Variants in PNKD observed in about 807,000 individuals in gnomAD.
PNKD encodes PNKD metallo-beta-lactamase domain containing.
Under a neutral mutation model 45.3 loss-of-function variants are expected in PNKD, and 36 were observed. The observed-to-expected ratio is 0.80, with a 90% CI of 0.61 to 1.05. The LOEUF (loss-of-function observed/expected upper bound fraction) is 1.05, where lower values mean the gene tolerates loss of function less well. Among genes scored for constraint, PNKD ranks in the 50% least tolerant of loss-of-function variants. The pLI is 0.00. For missense variants in PNKD, 511 were observed against 506.6 expected (o/e 1.01, Z -0.08); for synonymous variants, 197 against 210.1 (o/e 0.94, Z 0.54).
Position 218,280,093 on chromosome 2 carries a change from G to T in PNKD, c.236+8544G>T, listed in dbSNP as rs768283851. ...TCCAGGCCCGAAGCTATCACTCACTGCTCTCTCCTCCCCATCATAGCCATG... is the reference window on the plus strand; with the variant it reads ...TCCAGGCCCGAAGCTATCACTCACTTCTCTCTCCTCCCCATCATAGCCATG... On this transcript the variant is annotated intron_variant, in intron 2 of 9. Coordinates refer to ENST00000273077, the MANE Select transcript of PNKD (RefSeq NM_015488.5). 3.7e-6 allele frequency: 6 copies of T among 1,613,806 alleles called. No individual in the cohort carries two copies. The African/African-American group carries it at 8.0e-5, about 22-fold the overall frequency.
intron 2 of PNKD, among the ~76,000 whole-genome samples, chr2:218,314,759 G>A (rs1166372332): frequency 4.0e-5 from 6 of 150,860 alleles, no homozygotes; most frequent in East Asian, 3.9e-4. Context: ...GGGCGATCTC[G>A]GCTTACTGGA....
intron 2 of PNKD, chr2:218,281,883 AT>A: frequency 2.1e-6 from 3 of 1,415,770 alleles, no homozygotes; most frequent in Non-Finnish European, 2.9e-6. Flanking sequence ...CGGTGGCCTC[AT>A]CTGCTCCAAG....
intron 2 of PNKD, among the ~76,000 whole-genome samples, chr2:218,337,209 G>A (rs1001142967): frequency 6.6e-6 from 1 of 151,890 alleles, no homozygotes; most frequent in Non-Finnish European, 1.5e-5. Context: ...CAAGTAGCTA[G>A]GATTACAGGC....
Position 218,344,459 on chromosome 2 carries a change from T to C in PNKD, c.873T>C (p.His291=), listed in dbSNP as rs1383953923. 2.5e-6 allele frequency: 4 copies of C among 1,572,942 alleles called. No individual in the cohort carries two copies. Among genetic ancestry groups the C allele is most frequent in the Admixed American group, 3.7e-5 (2 of 53,684 alleles). The change falls in exon 9 of 10, where the codon CAT becomes CAC. Residue 291 remains histidine (H), a synonymous_variant. Coordinates refer to ENST00000273077, the MANE Select transcript of PNKD (RefSeq NM_015488.5). The stretch of plus-strand genomic sequence containing the variant: ...CACCCTCATGGCTGTCGGTAGGTCA[T>C]GAGTATGCAGAGGAGAACCTGGGCT... ...LGDDTLLWPG[H]EYAEENLGFA... is the part of the protein sequence containing the mutation.
At chr2:218,341,090 A>C (rs1206470765) in intron 5 of PNKD, among the ~76,000 whole-genome samples, 1 of 152,248 alleles carries the variant, frequency 6.6e-6, no homozygotes, top group African/African-American at 2.4e-5. Context: ...CCATCAAGGA[A>C]ATTCTAAGAC....
At chr2:218,305,656 C>T (rs1220165919) in intron 2 of PNKD, among the ~76,000 whole-genome samples, 1 of 152,116 alleles carries the variant, frequency 6.6e-6, no homozygotes, top group Non-Finnish European at 1.5e-5. Flanking sequence ...CCACCCCCAG[C>T]CCAGAGGTCA....
chr2:218,271,694 G>C (rs913491183), intron 2 of PNKD, 145 bp downstream of exon 2: 1 of 702,380 alleles, frequency 1.4e-6, no homozygotes, highest in African/African-American at 1.8e-5. Flanking sequence ...AATCTCAGAG[G>C]GGTGGGGCAG....
intron 2 of PNKD, chr2:218,279,680 G>C: frequency 2.0e-6 from 1 of 489,540 alleles, no homozygotes. Context: ...GAGATGGAGA[G>C]GGTGGGTTAC....
At chr2:218,293,398 CAT>C (rs1693045490) in intron 2 of PNKD, among the ~76,000 whole-genome samples, 2 of 152,170 alleles carry the variant, frequency 1.3e-5, no homozygotes. Flanking sequence ...GCCTAGGCAA[CAT>C]AGAGAGACCT....
intron 2 of PNKD, among the ~76,000 whole-genome samples, chr2:218,319,172 C>G (rs943293831): frequency 6.6e-6 from 1 of 151,254 alleles, no homozygotes; most frequent in Non-Finnish European, 1.5e-5. Flanking sequence ...CCAGGCTGGT[C>G]TCGAACTCCT....
chr2:218,298,937 T>C (rs1693207131), intron 2 of PNKD, among the ~76,000 whole-genome samples: 1 of 152,066 alleles, frequency 6.6e-6, no homozygotes. Flanking sequence ...CCCACGATAT[T>C]AGCTGCCTGA....
intron 2 of PNKD, among the ~76,000 whole-genome samples, chr2:218,327,579 C>T (rs977615829): frequency 6.6e-6 from 1 of 152,142 alleles, no homozygotes; most frequent in African/African-American, 2.4e-5. Context: ...GGTTCGTCTT[C>T]AAAGTGTGGC....
intron 2 of PNKD, chr2:218,323,262 C>T (rs1175346450): frequency 4.6e-6 from 7 of 1,518,962 alleles, no homozygotes; most frequent in Admixed American, 4.1e-5. Flanking sequence ...CGTGCCTGCC[C>T]CCAGCATGGC....
rs146445839 is a variant in PNKD, at chr2:218,297,298, A to G, written c.236+25749A>G. On this transcript the variant is annotated intron_variant, in intron 2 of 9. Transcript: ENST00000273077. ...TTTCCTAAGGAAATAGAGAGTGGAA[A>G]GAATGGTGGATTTGGATGTCTCAGA... Among the ~76,000 whole-genome samples, 41 of 152,360 alleles carry G rather than the reference A, an allele frequency of 2.7e-4. 1 individual carries two copies. The highest frequency in any genetic ancestry group is 4.6e-4 in the Non-Finnish European group (31 of 68,038).
At chr2:218,275,629 G>A in intron 2 of PNKD, 1 of 1,606,784 alleles carries the variant, frequency 6.2e-7, no homozygotes, top group Non-Finnish European at 8.5e-7. Flanking sequence ...GAACTGCAAG[G>A]ATAGGGAAGC....
chr2:218,279,516 T>G (rs1691641289), intron 2 of PNKD: 3 of 569,442 alleles, frequency 5.3e-6, no homozygotes, highest in East Asian at 3.1e-5. Context: ...CAATGTGCAC[T>G]TCTTCCTCAG....
chr2:218,320,255 C>T (rs1284242785), intron 2 of PNKD, among the ~76,000 whole-genome samples: 1 of 152,186 alleles, frequency 6.6e-6, no homozygotes, highest in Non-Finnish European at 1.5e-5. Context: ...AATTGACACA[C>T]AATAATTGTA....
At chr2:218,276,106 CA>C (rs780220708) in intron 2 of PNKD, 1 of 1,609,478 alleles carries the variant, frequency 6.2e-7, no homozygotes, top group Non-Finnish European at 8.5e-7. Context: ...CAGAGAATGG[CA>C]TTAGAAACCT....
chr2:218,326,114 T>G lies in PNKD; in HGVS notation c.237-13669T>G, dbSNP rs1343894552. On this transcript the variant is annotated intron_variant, in intron 2 of 9. Coordinates refer to ENST00000273077, the MANE Select transcript of PNKD (RefSeq NM_015488.5). The surrounding 1 kb of genome is among the most constrained non-coding windows in gnomAD (Gnocchi z 4.1). ...ACATGATGGGGAGGGGGAGGGCACA[T>G]GCACTACCAACCTGAAGGTGTGGCT... Among the ~76,000 whole-genome samples the G allele has an allele frequency of 6.6e-6, 1 of 151,764 alleles. No individual in the cohort carries two copies. Among genetic ancestry groups the G allele is most frequent in the Non-Finnish European group, 1.5e-5 (1 of 67,964 alleles).
Sources: allele counts gnomAD v4.1 joint callset (sites outside exome capture counted in the v4.1 genomes callset), GRCh38; gene constraint gnomAD v4.1.1; non-coding constraint Gnocchi (gnomAD v3.1); transcripts MANE v1.5; gene names NCBI Gene and HGNC (gene_info 2026-07-23, HGNC 2026-07-21).